The following FRMD6 variants were observed in gnomAD, a reference collection of about 807,000 sequenced individuals.
FRMD6 encodes the protein FERM domain-containing protein 6.
In FRMD6, 37 loss-of-function variants were observed where a neutral mutation model predicts 73.2. The observed-to-expected ratio is 0.51, with a 90% CI of 0.39 to 0.66. The LOEUF (loss-of-function observed/expected upper bound fraction) is 0.66, where lower values mean the gene tolerates loss of function less well. Ranked by LOEUF, FRMD6 falls within the 30% of genes least tolerant of loss-of-function variation. The pLI is 0.00. For missense variants in FRMD6, 714 were observed against 780.5 expected (o/e 0.91, Z 1.02); for synonymous variants, 273 against 282.2 (o/e 0.97, Z 0.33).
chr14:51,564,167 C>A (rs1566816593), intron 1 of FRMD6, among the ~76,000 whole-genome samples: 1 of 152,226 alleles, frequency 6.6e-6, no homozygotes, highest in Non-Finnish European at 1.5e-5. Flanking sequence ...AAGTTTCACA[C>A]TGCATTTGAT....
At chr14:51,674,882 C>T (rs1301221340) in intron 1 of FRMD6, among the ~76,000 whole-genome samples, 1 of 152,126 alleles carries the variant, frequency 6.6e-6, no homozygotes, top group African/African-American at 2.4e-5. Flanking sequence ...TCTTCAGTTA[C>T]TCATTCCTGG....
chr14:51,648,820 C>T (rs111948470), upstream of FRMD6, among the ~76,000 whole-genome samples: 6,431 of 152,230 alleles, frequency 0.042, 154 homozygotes, highest in Middle Eastern at 0.075. Flanking sequence ...GAATGAATAA[C>T]CTGTTCCTAA....
At chr14:51,401,399 G>C in the FRMD6 span, among the ~76,000 whole-genome samples, 17 of 152,246 alleles carry the variant, frequency 1.1e-4, no homozygotes, top group Admixed American at 1.1e-3. Context: ...TGTGTGTACA[G>C]TTCTGCTTTG....
At chr14:51,719,937 C>T in intron 10 of FRMD6, 118 bp from the exon 11 acceptor site, 1 of 734,828 alleles carries the variant, frequency 1.4e-6, no homozygotes. Flanking sequence ...ATTATTACTA[C>T]TTTCCAATCA....
the FRMD6 span, among the ~76,000 whole-genome samples, chr14:51,426,244 A>C: frequency 1.3e-5 from 2 of 152,088 alleles, no homozygotes; most frequent in African/African-American, 4.8e-5. Context: ...TAGCCTGGCA[A>C]TCAAGATATC....
the FRMD6 span, among the ~76,000 whole-genome samples, chr14:51,427,647 T>C: frequency 6.6e-6 from 1 of 152,242 alleles, no homozygotes; most frequent in African/African-American, 2.4e-5. Flanking sequence ...TAAGACAGCC[T>C]TACTTCAAAC....
chr14:51,400,315 C>A, the FRMD6 span, among the ~76,000 whole-genome samples: 1 of 152,164 alleles, frequency 6.6e-6, no homozygotes, highest in Non-Finnish European at 1.5e-5. Context: ...ATTCTACTCT[C>A]TACTTCTACT....
At chr14:51,727,723 T>C in intron 13 of FRMD6, 22 bp from the exon 14 acceptor site, 2 of 1,575,592 alleles carry the variant, frequency 1.3e-6, no homozygotes, top group Non-Finnish European at 1.7e-6. Flanking sequence ...TAAAGTTGTT[T>C]CATCCTTCCC....
At chr14:51,524,308 A>C (rs1885110273) in intron 1 of FRMD6, among the ~76,000 whole-genome samples, 1 of 152,094 alleles carries the variant, frequency 6.6e-6, no homozygotes, top group Non-Finnish European at 1.5e-5. Flanking sequence ...AATATATATA[A>C]AGATCTTAGC....
intron 1 of FRMD6, among the ~76,000 whole-genome samples, chr14:51,525,449 A>T (rs1885198661): frequency 6.6e-6 from 1 of 151,764 alleles, no homozygotes; most frequent in African/African-American, 2.4e-5. Flanking sequence ...TTTGTATTTT[A>T]GTAGAGATGG....
intron 1 of FRMD6, among the ~76,000 whole-genome samples, chr14:51,654,154 A>C (rs1013843230): frequency 6.6e-6 from 1 of 152,166 alleles, no homozygotes; most frequent in African/African-American, 2.4e-5. Flanking sequence ...TTAGAGATTT[A>C]AGATGCTCCT....
At chr14:51,699,868 A>G (rs1480119023) in intron 3 of FRMD6, among the ~76,000 whole-genome samples, 2 of 152,016 alleles carry the variant, frequency 1.3e-5, no homozygotes, top group East Asian at 3.9e-4. Flanking sequence ...TGTTTATTTC[A>G]TGTTTAATCA....
chr14:51,399,386 G>A, the FRMD6 span, among the ~76,000 whole-genome samples: 2 of 152,138 alleles, frequency 1.3e-5, no homozygotes, highest in Non-Finnish European at 2.9e-5. Flanking sequence ...CTCTCTAGTA[G>A]ACATTAGCCA....
chr14:51,694,874 C>G (rs1285802548), intron 2 of FRMD6, among the ~76,000 whole-genome samples: 2 of 152,066 alleles, frequency 1.3e-5, no homozygotes, highest in African/African-American at 2.4e-5. Flanking sequence ...ATACAGAAAA[C>G]TCAAGCTTAT....
intron 5 of FRMD6, among the ~76,000 whole-genome samples, 190 bp downstream of exon 5, chr14:51,702,778 A>G (rs1038065557): frequency 6.6e-5 from 10 of 152,064 alleles, no homozygotes; most frequent in African/African-American, 1.9e-4. Flanking sequence ...CAGAGATACA[A>G]TAGGCATTCA....
At chr14:51,443,438 ACTCT>A in the FRMD6 span, among the ~76,000 whole-genome samples, 1 of 152,218 alleles carries the variant, frequency 6.6e-6, no homozygotes, top group African/African-American at 2.4e-5. Flanking sequence ...TTCAACCCTC[ACTCT>A]CTCTATCAGC....
chr14:51,534,504 T>G (rs149061717), intron 1 of FRMD6, among the ~76,000 whole-genome samples: 192 of 152,348 alleles, frequency 1.3e-3, no homozygotes, highest in African/African-American at 4.3e-3. Flanking sequence ...TCTTTCTACC[T>G]TTCCTATTTT....
chr14:51,644,058 C>G (rs1891936265), intron 2 of FRMD6, among the ~76,000 whole-genome samples: 1 of 151,874 alleles, frequency 6.6e-6, no homozygotes, highest in Admixed American at 6.6e-5. Context: ...TAATCCTTCC[C>G]AAATTTGAAT....
At chr14:51,680,151 T>C (rs935504849) in intron 1 of FRMD6, among the ~76,000 whole-genome samples, 1 of 152,150 alleles carries the variant, frequency 6.6e-6, no homozygotes. Context: ...AGAAAAGCCT[T>C]ATATTTCAGG....
Sources: gnomAD v4.1 joint callset for allele counts (sites outside exome capture counted in the v4.1 genomes callset) on GRCh38, gnomAD v4.1.1 for gene constraint, MANE v1.5 for transcripts, NCBI Gene and HGNC (gene_info 2026-07-23, HGNC 2026-07-21) for gene names.